Variants in DAP3 observed in about 807,000 individuals in gnomAD.
DAP3 encodes the protein death associated protein 3, also known as small ribosomal subunit protein mS29.
DAP3 carries 28 observed loss-of-function variants against 51.9 expected under a neutral mutation model. The ratio of observed to expected loss-of-function variants is 0.54; its 90% confidence interval spans 0.40 to 0.74. The LOEUF (loss-of-function observed/expected upper bound fraction) is 0.74, where lower values mean the gene tolerates loss of function less well. Among genes scored for constraint, DAP3 ranks in the 30% least tolerant of loss-of-function variants. The pLI, the probability that DAP3 is intolerant of heterozygous loss-of-function variation, is 0.00. For synonymous variants in DAP3, 170 were observed against 170.3 expected (o/e 1.00, Z 0.01); for missense variants, 458 against 483.5 (o/e 0.95, Z 0.49).
At chr1:155,727,212 A>T (rs1332088806) in intron 6 of DAP3, among the ~76,000 whole-genome samples, 1 of 152,146 alleles carries the variant, frequency 6.6e-6, no homozygotes, top group Non-Finnish European at 1.5e-5. Context: ...TGCTTATGTA[A>T]CATCCACATT....
At chr1:155,703,872 G>T (rs1655631721) in intron 1 of DAP3, among the ~76,000 whole-genome samples, 1 of 152,196 alleles carries the variant, frequency 6.6e-6, no homozygotes. Flanking sequence ...TGAGGGCCAG[G>T]CATAGTGGCT....
intron 2 of DAP3, 68 bp downstream of exon 2, chr1:155,709,892 T>A (rs1416809221): frequency 4.7e-6 from 7 of 1,478,560 alleles, no homozygotes; most frequent in Non-Finnish European, 6.6e-6. Flanking sequence ...TGTTTTCAGA[T>A]GGATTCATTG....
chr1:155,738,281 G>A lies in DAP3; in HGVS notation c.*39G>A. 1 of 1,609,010 alleles carries A rather than the reference G, an allele frequency of 6.2e-7. No homozygotes were observed. Among genetic ancestry groups the A allele is most frequent in the Non-Finnish European group, 8.5e-7 (1 of 1,175,884 alleles). Reference sequence around the variant, plus strand: ...CATGTGAGGAAGACAGTGGACATCTGCTTTATGCTGGACCCAGTAAGATGA... The same window carrying A: ...CATGTGAGGAAGACAGTGGACATCTACTTTATGCTGGACCCAGTAAGATGA... On this transcript the variant is annotated 3_prime_UTR_variant, in exon 13 of 13. Coordinates refer to ENST00000368336, the MANE Select transcript of DAP3 (RefSeq NM_004632.4).
At chr1:155,694,730 T>C (rs1325173131) in intron 1 of DAP3, among the ~76,000 whole-genome samples, 1 of 152,170 alleles carries the variant, frequency 6.6e-6, no homozygotes, top group Non-Finnish European at 1.5e-5. Flanking sequence ...TGGAAGCTGG[T>C]TTTCTTCTGG....
intron 11 of DAP3, 125 bp downstream of exon 11, chr1:155,732,158 T>G: frequency 1.5e-6 from 1 of 648,920 alleles, no homozygotes; most frequent in East Asian, 3.2e-5. Context: ...CTGTATGCCC[T>G]TCCCCTGGAT....
intron 5 of DAP3, 25 bp downstream of exon 5, chr1:155,725,515 C>A (rs756517211): frequency 6.3e-7 from 1 of 1,578,824 alleles, no homozygotes; most frequent in South Asian, 1.1e-5. Context: ...CTGCGTGGAC[C>A]CTCATGAACC....
At position 155,708,671 on chromosome 1, in the gene DAP3, A is replaced by G. The variant is rs528785616; in HGVS notation, c.-7-1102A>G. ...TGCCTTAGCCTCCAGAGTAGCTGGG[A>G]CTACAGGTGCATATCACCACTCCTG... On this transcript the variant is annotated intron_variant, in intron 1 of 12. Coordinates refer to ENST00000368336, the MANE Select transcript of DAP3 (RefSeq NM_004632.4). Among the ~76,000 whole-genome samples, 3 of 146,480 alleles carry G rather than the reference A, an allele frequency of 2.0e-5. No individual in the cohort carries two copies. In the South Asian group the frequency reaches 6.5e-4, roughly 32 times the overall value.
At chr1:155,698,397 T>C (rs182979) in intron 1 of DAP3, among the ~76,000 whole-genome samples, 13,496 of 152,208 alleles carry the variant, frequency 0.089, 2,113 homozygotes, top group African/African-American at 0.31. Context: ...ACAATTTATG[T>C]TCTTCTGCCA....
At chr1:155,701,951 T>C (rs1462154773) in intron 1 of DAP3, among the ~76,000 whole-genome samples, 13 of 150,534 alleles carry the variant, frequency 8.6e-5, no homozygotes, top group Admixed American at 7.3e-4. Flanking sequence ...TGGAGGGAAG[T>C]AGCTGACAGC....
intron 11 of DAP3, chr1:155,736,571 C>G: frequency 3.8e-6 from 1 of 265,934 alleles, no homozygotes; most frequent in South Asian, 4.1e-5. Context: ...CACGCAGCAC[C>G]ACTCCTGGCT....
chr1:155,694,283 C>T lies in DAP3; in HGVS notation c.-8+5109C>T, dbSNP rs1204401199. 1.4e-5 allele frequency among the ~76,000 whole-genome samples: 2 copies of T among 141,154 alleles called. 1 individual carries two copies. Among genetic ancestry groups the T allele is most frequent in the African/African-American group, 6.5e-5 (2 of 30,756 alleles). The allele number at this position is 141,154 out of a possible 152,430, so 92.6% of individuals were successfully genotyped here. On this transcript the variant is annotated intron_variant, in intron 1 of 12. Coordinates refer to ENST00000368336, the MANE Select transcript of DAP3 (RefSeq NM_004632.4). Reference sequence around the variant, plus strand: ...TCCTTCCTCCTCTGGGTGAGAGGGCCCTTGAGTATCTGTAGGCTCAGGCAT... The same window carrying T: ...TCCTTCCTCCTCTGGGTGAGAGGGCTCTTGAGTATCTGTAGGCTCAGGCAT...
rs750677739 is a variant in DAP3, at chr1:155,731,415, G to A, written c.903G>A (p.Trp301Ter). Residue 301 changes from tryptophan (W) to a stop codon, truncating the protein, a stop_gained and splice_region_variant, in exon 10 of 13, where the codon TGG (tryptophan) becomes TGA (stop). Coordinates refer to ENST00000368336, the MANE Select transcript of DAP3 (RefSeq NM_004632.4). LOFTEE classifies it high-confidence loss of function. ...HNLRKMMKND[W>*]HGGAIVSALS... ...TGAGGAAAATGATGAAAAATGATTGGGTAAGTGCATATGATACCTCACACA... is the reference window on the plus strand; with the variant it reads ...TGAGGAAAATGATGAAAAATGATTGAGTAAGTGCATATGATACCTCACACA... 6.2e-7 allele frequency: 1 copy of A among 1,613,402 alleles called. No homozygotes were observed. The highest frequency in any genetic ancestry group is 1.3e-5 in the African/African-American group (1 of 74,790).
chr1:155,727,569 T>C (rs1658748780), intron 6 of DAP3, 39 bp from the exon 7 acceptor site: 21 of 1,602,816 alleles, frequency 1.3e-5, no homozygotes, highest in Non-Finnish European at 1.8e-5. Flanking sequence ...GAATACAGTT[T>C]CTGCCTGGCT....
chr1:155,720,669 A>G (rs923252379), intron 3 of DAP3, among the ~76,000 whole-genome samples: 1 of 151,838 alleles, frequency 6.6e-6, no homozygotes, highest in African/African-American at 2.4e-5. Flanking sequence ...CAAAACAAAC[A>G]AACCAAAAAA....
At chr1:155,708,398 T>A (rs1194027706) in intron 1 of DAP3, among the ~76,000 whole-genome samples, 1 of 152,152 alleles carries the variant, frequency 6.6e-6, no homozygotes, top group Non-Finnish European at 1.5e-5. Context: ...ATTTTCAACT[T>A]TGTTTTGTGC....
At chr1:155,736,120 T>C (rs1299969481) in intron 11 of DAP3, among the ~76,000 whole-genome samples, 11 of 152,052 alleles carry the variant, frequency 7.2e-5, no homozygotes, top group African/African-American at 2.7e-4. Flanking sequence ...ATTACAGGCA[T>C]GAGCCACCGT....
At chr1:155,720,841 A>G (rs1421759748) in intron 3 of DAP3, among the ~76,000 whole-genome samples, 1 of 152,016 alleles carries the variant, frequency 6.6e-6, no homozygotes, top group Non-Finnish European at 1.5e-5. Flanking sequence ...GATCAAGACC[A>G]TCCTGGTCAA....
chr1:155,721,399 T>G, intron 3 of DAP3, 118 bp from the exon 4 acceptor site: 1 of 444,668 alleles, frequency 2.2e-6, no homozygotes, highest in Admixed American at 3.8e-5. Context: ...TATGTATGTA[T>G]GTATATATAT....
intron 4 of DAP3, 67 bp downstream of exon 4, chr1:155,721,685 G>T: frequency 6.9e-7 from 1 of 1,440,620 alleles, no homozygotes; most frequent in South Asian, 1.2e-5. Context: ...AAAGGGGTGG[G>T]GCTAAATGAG....
Sources: gnomAD v4.1 joint callset for allele counts (sites outside exome capture counted in the v4.1 genomes callset) on GRCh38, gnomAD v4.1.1 for gene constraint, MANE v1.5 for transcripts, NCBI Gene and HGNC (gene_info 2026-07-23, HGNC 2026-07-21) for gene names.